The following NAALADL2 variants were observed in gnomAD, a reference collection of about 807,000 sequenced individuals.
NAALADL2 encodes the protein N-acetylated alpha-linked acidic dipeptidase like 2.
A neutral mutation model predicts 87.2 loss-of-function variants in NAALADL2; 76 were observed. The observed-to-expected ratio is 0.87, with a 90% CI of 0.72 to 1.05. The LOEUF (loss-of-function observed/expected upper bound fraction) is 1.05. NAALADL2 is among the 50% of genes least tolerant of loss of function. NAALADL2 has a pLI of 0.00. For synonymous variants in NAALADL2, 354 were observed against 331.0 expected, an observed-to-expected ratio of 1.07 and a Z score of -0.75; for missense variants, 1,089 against 945.8, an observed-to-expected ratio of 1.15 and a Z score of -1.99.
chr3:175,344,438 C>T (rs1762922192), intron 5 of NAALADL2, among the ~76,000 whole-genome samples: 1 of 151,330 alleles, frequency 6.6e-6, no homozygotes, highest in African/African-American at 2.4e-5. Flanking sequence ...TCAAGTATGC[C>T]TAGTGCCCAG....
intron 11 of NAALADL2, among the ~76,000 whole-genome samples, chr3:175,639,664 T>C (rs1248982104): frequency 6.6e-6 from 1 of 152,280 alleles, no homozygotes; most frequent in Admixed American, 6.5e-5. Flanking sequence ...ACTTTTGTGG[T>C]TGATACACTA....
intron 2 of NAALADL2, among the ~76,000 whole-genome samples, chr3:175,152,248 T>C (rs1421748280): frequency 1.3e-5 from 2 of 152,182 alleles, no homozygotes; most frequent in African/African-American, 4.8e-5. Flanking sequence ...AATAGCAACA[T>C]TCCGTTGTGT....
intron 1 of NAALADL2, among the ~76,000 whole-genome samples, chr3:174,497,925 T>G (rs914736521): frequency 2.0e-4 from 30 of 152,176 alleles, no homozygotes; most frequent in African/African-American, 6.5e-4. Context: ...CAAAATATTT[T>G]CAGTACAAAC....
intron 2 of NAALADL2, among the ~76,000 whole-genome samples, chr3:174,714,808 G>T (rs1187582535): frequency 1.3e-5 from 2 of 152,062 alleles, no homozygotes; most frequent in Admixed American, 1.3e-4. Flanking sequence ...CTGCCTGATT[G>T]CCCTGGCCAG....
intron 1 of NAALADL2, among the ~76,000 whole-genome samples, chr3:174,901,545 A>G (rs1414329931): frequency 6.6e-6 from 1 of 152,200 alleles, no homozygotes; most frequent in African/African-American, 2.4e-5. Context: ...TGTGAAGCCA[A>G]ATGGGATCAC....
intron 4 of NAALADL2, among the ~76,000 whole-genome samples, chr3:175,298,030 A>T (rs1351919371): frequency 6.6e-6 from 1 of 152,108 alleles, no homozygotes; most frequent in East Asian, 1.9e-4. Context: ...GCATATAGGG[A>T]TCCCATATAA....
chr3:175,493,036 C>T (rs550427037), intron 9 of NAALADL2, among the ~76,000 whole-genome samples: 16 of 152,030 alleles, frequency 1.1e-4, no homozygotes, highest in Non-Finnish European at 2.9e-5. Context: ...ATGTGCATAA[C>T]TTATGTACAC....
intron 2 of NAALADL2, among the ~76,000 whole-genome samples, chr3:175,179,246 C>G (rs1426840080): frequency 6.6e-6 from 1 of 151,818 alleles, no homozygotes; most frequent in Non-Finnish European, 1.5e-5. Flanking sequence ...TCTTATTTGT[C>G]TTTGTAATTC....
intron 11 of NAALADL2, among the ~76,000 whole-genome samples, chr3:175,673,924 A>G (rs1313788073): frequency 6.6e-6 from 1 of 152,036 alleles, no homozygotes; most frequent in Non-Finnish European, 1.5e-5. Flanking sequence ...ATAAAATAGT[A>G]TTTACATATT....
chr3:175,681,726 G>T (rs1418659351), intron 11 of NAALADL2, among the ~76,000 whole-genome samples: 1 of 152,126 alleles, frequency 6.6e-6, no homozygotes, highest in African/African-American at 2.4e-5. Context: ...ACAGGCAATG[G>T]CAATGAAGAG....
chr3:175,709,458 G>T (rs981246798), intron 11 of NAALADL2, among the ~76,000 whole-genome samples: 2 of 152,038 alleles, frequency 1.3e-5, no homozygotes, highest in South Asian at 2.1e-4. Flanking sequence ...TGTTTAAAAA[G>T]TATACTTTGT....
At chr3:174,711,467 A>G (rs981838299) in intron 2 of NAALADL2, among the ~76,000 whole-genome samples, 1 of 152,230 alleles carries the variant, frequency 6.6e-6, no homozygotes, top group Non-Finnish European at 1.5e-5. Context: ...AAGTAAGTAG[A>G]ATGCCTAGAT....
intron 9 of NAALADL2, among the ~76,000 whole-genome samples, chr3:175,514,903 A>C (rs762760400): frequency 6.6e-6 from 1 of 152,220 alleles, no homozygotes; most frequent in Non-Finnish European, 1.5e-5. Flanking sequence ...CTGAGTGTCT[A>C]GTCTCTATAG....
At chr3:175,028,546 T>C (rs1752461069) in intron 1 of NAALADL2, among the ~76,000 whole-genome samples, 1 of 152,108 alleles carries the variant, frequency 6.6e-6, no homozygotes, top group African/African-American at 2.4e-5. Context: ...AATGAATTAA[T>C]AAGTGAATAT....
At position 175,361,719 on chromosome 3, in the gene NAALADL2, A is replaced by T. The variant is rs1206014178; in HGVS notation, c.1090+37394A>T. Among the ~76,000 whole-genome samples, 7 of 146,930 alleles carry T rather than the reference A, an allele frequency of 4.8e-5. 1 individual carries two copies. Among genetic ancestry groups the T allele is most frequent in the East Asian group, 4.1e-4 (2 of 4,912 alleles). On this transcript the variant is annotated intron_variant, in intron 5 of 13. Coordinates refer to ENST00000454872, the MANE Select transcript of NAALADL2 (RefSeq NM_207015.3). ...GCCCACTTTTTGATGGGGTTGTTTG[A>T]TTTTTTCTTGTAAATTTGTTTGAGT... is the stretch of plus-strand genomic sequence containing the variant.
chr3:175,238,734 G>A (rs997179888), intron 3 of NAALADL2, among the ~76,000 whole-genome samples: 14 of 152,082 alleles, frequency 9.2e-5, no homozygotes, highest in African/African-American at 2.9e-4. Context: ...TAAGGCGCTG[G>A]TGATTTTTCT....
In NAALADL2 at chr3:174,787,270, AGT is replaced by A. The variant is rs975112207; in HGVS notation, c.-9+49527_-9+49528del. 7.9e-5 allele frequency among the ~76,000 whole-genome samples: 12 copies of A among 151,882 alleles called. No individual in the cohort carries two copies. The South Asian group carries it at 1.5e-3, about 18-fold the overall frequency. On this transcript the variant is annotated intron_variant, in intron 3 of 3. Coordinates refer to the NAALADL2 transcript ENST00000434257. The stretch of plus-strand genomic sequence containing the variant: ...TTCACAAGTTAAGGAAAACACTGAA[AGT>A]GTAATGAAAACACAATGCCCAAGAC...
intron 2 of NAALADL2, among the ~76,000 whole-genome samples, chr3:175,135,765 T>C (rs531013749): frequency 1.3e-5 from 2 of 152,220 alleles, no homozygotes; most frequent in East Asian, 3.9e-4. Flanking sequence ...GGTGTCTTGA[T>C]AAGAAATCCG....
intron 1 of NAALADL2, among the ~76,000 whole-genome samples, chr3:175,095,206 C>A (rs1240841862): frequency 6.6e-6 from 1 of 151,968 alleles, no homozygotes; most frequent in Non-Finnish European, 1.5e-5. Context: ...TCCTCTCACA[C>A]CCTCCTCTCT....
Sources: allele counts gnomAD v4.1 joint callset (sites outside exome capture counted in the v4.1 genomes callset), GRCh38; gene constraint gnomAD v4.1.1; transcripts MANE v1.5; gene names NCBI Gene and HGNC (gene_info 2026-07-23, HGNC 2026-07-21).